Variants in RNF135 observed in about 807,000 individuals in gnomAD.
The protein encoded by RNF135 is E3 ubiquitin-protein ligase RNF135.
Under a neutral mutation model 41.9 loss-of-function variants are expected in RNF135, and 46 were observed. The observed-to-expected ratio is 1.10, with a 90% confidence interval of 0.87 to 1.40. RNF135 has a LOEUF of 1.40. RNF135 is among the 40% of genes most tolerant of loss of function. The probability of loss-of-function intolerance (pLI) is 0.00; values close to 1 mark genes in which losing one functional copy is unlikely to be tolerated. For synonymous variants in RNF135, 238 were observed against 223.8 expected (o/e 1.06, Z -0.57); for missense variants, 539 against 549.8 (o/e 0.98, Z 0.20).
Position 30,988,416 on chromosome 17 carries a change from A to ATTTT in RNF135, c.679+336_679+339dup, listed in dbSNP as rs56955275. ...GAGATTCTGAAATAGGCCACTTTTA[A>ATTTT]TTTTTTTTTTTTTTTTTTTTTTTTT... On this transcript the variant is annotated intron_variant, in intron 3 of 4. Coordinates refer to ENST00000328381, the MANE Select transcript of RNF135 (RefSeq NM_032322.4). Among the ~76,000 whole-genome samples, 129 of 81,906 alleles carry ATTTT rather than the reference A, an allele frequency of 1.6e-3. 7 individuals carry two copies. Among genetic ancestry groups the ATTTT allele is most frequent in the African/African-American group, 2.8e-3 (56 of 19,798 alleles). The allele number at this position is 81,906 out of a possible 152,430, so 53.7% of individuals were successfully genotyped here.
At chr17:30,966,552 T>C (rs1020875036), upstream of RNF135, among the ~76,000 whole-genome samples, 5 of 151,820 alleles carry the variant, frequency 3.3e-5, no homozygotes, top group Non-Finnish European at 7.4e-5. Flanking sequence ...TGGAGTGCAG[T>C]GGCGCGATCT....
At chr17:30,965,188 A>G in the RNF135 span, 13 of 152,074 alleles carry the variant, frequency 8.5e-5, no homozygotes, top group Admixed American at 7.2e-4. Context: ...GGCCTCTATA[A>G]AAAATACAAT....
At chr17:30,961,053 A>G in the RNF135 span, among the ~76,000 whole-genome samples, 1 of 152,150 alleles carries the variant, frequency 6.6e-6, no homozygotes, top group South Asian at 2.1e-4. Flanking sequence ...ATTTTTAAAG[A>G]CTGGATTCTT....
intron 3 of RNF135, among the ~76,000 whole-genome samples, chr17:30,992,053 T>C (rs1000700390): frequency 6.6e-6 from 1 of 151,718 alleles, no homozygotes; most frequent in African/African-American, 2.4e-5. Context: ...TGCCTCAGCC[T>C]CCCAAGTAGC....
chr17:30,975,518 C>A (rs1567737709), intron 1 of RNF135: 1 of 777,364 alleles, frequency 1.3e-6, no homozygotes, highest in African/African-American at 1.7e-5. Flanking sequence ...AAACCCCTGC[C>A]CTCAGAAATA....
upstream of RNF135, among the ~76,000 whole-genome samples, chr17:30,967,167 T>A (rs886933760): frequency 5.3e-5 from 8 of 152,140 alleles, no homozygotes; most frequent in African/African-American, 1.9e-4. Flanking sequence ...CTGGAGTAGC[T>A]GGGACCTCAG....
At chr17:30,963,501 G>A in the RNF135 span, among the ~76,000 whole-genome samples, 1 of 151,996 alleles carries the variant, frequency 6.6e-6, no homozygotes, top group Admixed American at 6.6e-5. Context: ...GAACCCGGGA[G>A]GTGGAGGTTG....
In RNF135 at chr17:30,998,933, T is replaced by C. The variant is rs961410079; in HGVS notation, c.1041T>C (p.Cys347=). Residue 347 remains cysteine (C), a synonymous_variant, in exon 5 of 5, where the codon TGT becomes TGC. Transcript: ENST00000328381. ...TCCTGGGAAGGACTATGGACTCTTG[T>C]TGTGTGGAATGGAAGGGGACTAGCC... ...DQVLGRTMDS[C]CVEWKGTSQL... 1 of 1,613,818 alleles carries C rather than the reference T, an allele frequency of 6.2e-7. No individual in the cohort carries two copies. The highest frequency in any genetic ancestry group is 1.7e-5 in the Admixed American group (1 of 59,998).
chr17:30,970,908 T>A, upstream of RNF135: 1 of 976,792 alleles, frequency 1.0e-6, no homozygotes, highest in Non-Finnish European at 1.5e-6. Flanking sequence ...GCTCTAAGTC[T>A]GTTTTCAGCA....
chr17:30,971,412 C>A lies in RNF135; in HGVS notation c.339C>A (p.Ala113=). Reference sequence around the variant, plus strand: ...GCTCCAGTTCCCTCTCCAGCGCGGCCGCGAGGCCCCGGCGCCGCCCGGAAC... The same window carrying A: ...GCTCCAGTTCCCTCTCCAGCGCGGCAGCGAGGCCCCGGCGCCGCCCGGAAC... ...CPGSSSLSSA[A]ARPRRRPELQ... Residue 113 remains alanine (A), a synonymous_variant, in exon 1 of 5, where the codon GCC becomes GCA. Transcript: ENST00000328381. The A allele has an allele frequency of 6.6e-7, 1 of 1,517,398 alleles. No homozygotes were observed. Among genetic ancestry groups the A allele is most frequent in the East Asian group, 2.6e-5 (1 of 38,356 alleles). The allele number at this position is 1,517,398 out of a possible 1,614,324, so 94.0% of individuals were successfully genotyped here.
At chr17:30,969,713 A>G (rs372993876), upstream of RNF135, among the ~76,000 whole-genome samples, 14 of 151,988 alleles carry the variant, frequency 9.2e-5, no homozygotes, top group African/African-American at 2.9e-4. Flanking sequence ...CCAGTATTAG[A>G]AATAACCACA....
intron 1 of RNF135, among the ~76,000 whole-genome samples, chr17:30,979,811 G>A (rs1906890049): frequency 8.5e-6 from 1 of 117,304 alleles, no homozygotes; most frequent in Non-Finnish European, 1.8e-5. Flanking sequence ...GCGGGGGGCT[G>A]ACCCCCCCAC....
upstream of RNF135, chr17:30,970,957 GGAGAAAAGGCGGCC>G (rs1449343939): frequency 1.4e-6 from 2 of 1,407,572 alleles, no homozygotes; most frequent in East Asian, 5.1e-5. Context: ...CAAGGAAGGA[GGAGAAAAGGCGGCC>G]GAGAAAAGGA....
At chr17:30,989,606 A>G (rs1598097443) in intron 3 of RNF135, among the ~76,000 whole-genome samples, 1 of 152,152 alleles carries the variant, frequency 6.6e-6, no homozygotes, top group Non-Finnish European at 1.5e-5. Flanking sequence ...GGCCACTGCT[A>G]TCTTCATATG....
At chr17:30,979,632 C>T (rs1598084995) in intron 1 of RNF135, among the ~76,000 whole-genome samples, 2 of 131,870 alleles carry the variant, frequency 1.5e-5, no homozygotes, top group African/African-American at 5.8e-5. Flanking sequence ...CCCTCACCTC[C>T]CGGACGGGGC....
the RNF135 span, among the ~76,000 whole-genome samples, chr17:30,962,198 T>C: frequency 6.6e-6 from 1 of 152,060 alleles, no homozygotes; most frequent in Middle Eastern, 3.4e-3. Flanking sequence ...AGTAGAGTGA[T>C]CTTGGCTCAC....
At chr17:30,982,881 C>T (rs532036953) in intron 1 of RNF135, among the ~76,000 whole-genome samples, 1 of 152,262 alleles carries the variant, frequency 6.6e-6, no homozygotes, top group South Asian at 2.1e-4. Flanking sequence ...CTTTTCAACT[C>T]GCAAAAGTGG....
the RNF135 span, among the ~76,000 whole-genome samples, chr17:30,960,630 C>G: frequency 6.6e-6 from 1 of 152,106 alleles, no homozygotes; most frequent in African/African-American, 2.4e-5. Context: ...CCGTGGCAAC[C>G]ATTGATCCGT....
At chr17:30,970,397 G>A (rs1248587496), upstream of RNF135, 1 of 152,268 alleles carries the variant, frequency 6.6e-6, no homozygotes, top group Non-Finnish European at 1.5e-5. Flanking sequence ...AGGACACAGC[G>A]CACAACTCTG....
Sources: allele counts gnomAD v4.1 joint callset (sites outside exome capture counted in the v4.1 genomes callset), GRCh38; gene constraint gnomAD v4.1.1; transcripts MANE v1.5; gene names NCBI Gene and HGNC (gene_info 2026-07-23, HGNC 2026-07-21).